PPFIA2: variants seen among roughly 807,000 people sequenced by gnomAD.
PPFIA2 encodes liprin-alpha-2.
In PPFIA2, 46 loss-of-function variants were observed where a neutral mutation model predicts 175.5. That is an observed-to-expected ratio of 0.26 (90% confidence interval 0.21 to 0.34). The LOEUF is 0.34. Among genes scored for constraint, PPFIA2 ranks in the 10% least tolerant of loss-of-function variants. The pLI is 1.00. For missense variants in PPFIA2, 1,179 were observed against 1,506.1 expected (o/e 0.78, Z 3.60); for synonymous variants, 568 against 511.4 (o/e 1.11, Z -1.49).
At chr12:81,620,114 C>A (rs1288329987) in intron 4 of PPFIA2, among the ~76,000 whole-genome samples, 6 of 137,834 alleles carry the variant, frequency 4.4e-5, no homozygotes, top group African/African-American at 8.0e-5. Context: ...GAGCCGAGAT[C>A]GCGCCACTGC....
chr12:81,685,977 A>G (rs1387754109), intron 3 of PPFIA2, among the ~76,000 whole-genome samples: 1 of 152,030 alleles, frequency 6.6e-6, no homozygotes, highest in Non-Finnish European at 1.5e-5. Context: ...TGGGTCTTTC[A>G]GAGTTTAAAT....
intron 3 of PPFIA2, among the ~76,000 whole-genome samples, chr12:81,700,467 T>C (rs2076362387): frequency 6.6e-6 from 1 of 152,040 alleles, no homozygotes; most frequent in Admixed American, 6.6e-5. Flanking sequence ...GAAAATTAAA[T>C]GATGAATTAT....
chr12:81,383,831 A>G (rs938199439), intron 9 of PPFIA2, among the ~76,000 whole-genome samples, 192 bp downstream of exon 9: 1 of 152,170 alleles, frequency 6.6e-6, no homozygotes, highest in African/African-American at 2.4e-5. Context: ...TCCATATATC[A>G]TGGGCATTTA....
At chr12:81,693,306 G>A (rs1308740687) in intron 3 of PPFIA2, among the ~76,000 whole-genome samples, 1 of 152,048 alleles carries the variant, frequency 6.6e-6, no homozygotes, top group Non-Finnish European at 1.5e-5. Flanking sequence ...GATCATGGGG[G>A]CAGATCCCTC....
chr12:81,752,404 G>A (rs1311245904), intron 3 of PPFIA2, among the ~76,000 whole-genome samples: 1 of 152,090 alleles, frequency 6.6e-6, no homozygotes, highest in Non-Finnish European at 1.5e-5. Flanking sequence ...CAATTGCAAA[G>A]ACTAAAATAT....
At chr12:81,327,307 T>C (rs1335611328) in intron 21 of PPFIA2, among the ~76,000 whole-genome samples, 1 of 152,028 alleles carries the variant, frequency 6.6e-6, no homozygotes, top group Non-Finnish European at 1.5e-5. Flanking sequence ...TACTTAAATC[T>C]TTTTTTATTA....
chr12:81,371,764 A>C (rs2035158202), intron 11 of PPFIA2, among the ~76,000 whole-genome samples: 2 of 151,836 alleles, frequency 1.3e-5, no homozygotes, highest in Admixed American at 1.3e-4. Flanking sequence ...ATAAATCATA[A>C]GACTGGGAGC....
chr12:81,409,896 G>A (rs2043605869), intron 7 of PPFIA2, among the ~76,000 whole-genome samples: 1 of 152,012 alleles, frequency 6.6e-6, no homozygotes, highest in Non-Finnish European at 1.5e-5. Flanking sequence ...AGATTAATGG[G>A]GACAACTGCT....
Position 81,542,199 on chromosome 12 carries a change from G to A in PPFIA2, c.304-84333C>T, listed in dbSNP as rs144766525. ...AAGACAGGGCAAGAGAGAGCTTTGGGACAGATGAGCAGGCAATGAGACCAT... is the reference window on the plus strand; with the variant it reads ...AAGACAGGGCAAGAGAGAGCTTTGGAACAGATGAGCAGGCAATGAGACCAT... On this transcript the variant is annotated intron_variant, in intron 4 of 32. Transcript: ENST00000549396. Among the ~76,000 whole-genome samples, 17 of 152,196 alleles carry A rather than the reference G, an allele frequency of 1.1e-4. No individual in the cohort carries two copies. In the South Asian group the frequency reaches 2.9e-3, roughly 26 times the overall value.
intron 28 of PPFIA2, among the ~76,000 whole-genome samples, chr12:81,271,692 CAA>C (rs1008801474): frequency 3.3e-5 from 5 of 152,194 alleles, no homozygotes; most frequent in African/African-American, 9.6e-5. Flanking sequence ...CTAGATAATG[CAA>C]AGACTTTCAA....
At chr12:81,392,978 T>C (rs975666057) in intron 8 of PPFIA2, among the ~76,000 whole-genome samples, 1 of 152,016 alleles carries the variant, frequency 6.6e-6, no homozygotes, top group Non-Finnish European at 1.5e-5. Flanking sequence ...TCCACCATTG[T>C]CACCCTTGTC....
At chr12:81,285,504 A>G (rs938960739) in intron 24 of PPFIA2, among the ~76,000 whole-genome samples, 7 of 152,108 alleles carry the variant, frequency 4.6e-5, no homozygotes, top group African/African-American at 1.7e-4. Context: ...TTATATATGT[A>G]TATACATACA....
chr12:81,567,697 T>C (rs1032704470), intron 4 of PPFIA2, among the ~76,000 whole-genome samples: 1 of 152,194 alleles, frequency 6.6e-6, no homozygotes, highest in Non-Finnish European at 1.5e-5. Flanking sequence ...GTGTGATACA[T>C]CCTGATAACA....
In PPFIA2 at chr12:81,266,970, A is replaced by G; in HGVS notation, c.3537T>C (p.Thr1179=). 6.2e-7 allele frequency: 1 copy of G among 1,612,900 alleles called. No homozygotes were observed. Residue 1179 remains threonine (T), a synonymous_variant, in exon 30 of 33, where the codon ACT becomes ACC. Coordinates refer to ENST00000549396, the MANE Select transcript of PPFIA2 (RefSeq NM_003625.5). ...REYNNLLALG[T]ERRLDESDDK... Reference sequence around the variant, plus strand: ...GACTTACTTCATCCAGTCGCCTTTCAGTTCCCAGGGCCAAGAGGTTATTGT... The same window carrying G: ...GACTTACTTCATCCAGTCGCCTTTCGGTTCCCAGGGCCAAGAGGTTATTGT...
chr12:81,744,942 A>G (rs1227580545), intron 3 of PPFIA2, among the ~76,000 whole-genome samples: 2 of 152,170 alleles, frequency 1.3e-5, no homozygotes, highest in Non-Finnish European at 2.9e-5. Context: ...ATTATCTGCA[A>G]AATGGGAATA....
intron 4 of PPFIA2, among the ~76,000 whole-genome samples, chr12:81,534,188 G>T (rs1411166650): frequency 6.6e-6 from 1 of 151,570 alleles, no homozygotes; most frequent in Non-Finnish European, 1.5e-5. Flanking sequence ...AAAAGAGGGA[G>T]ATAAAGAGAG....
intron 8 of PPFIA2, among the ~76,000 whole-genome samples, chr12:81,401,988 G>C (rs1366579519): frequency 6.6e-6 from 1 of 151,798 alleles, no homozygotes; most frequent in Non-Finnish European, 1.5e-5. Context: ...ATAATTACCA[G>C]AGTTTTCCAT....
chr12:81,540,123 T>G (rs1042480257), intron 4 of PPFIA2, among the ~76,000 whole-genome samples: 2 of 151,962 alleles, frequency 1.3e-5, no homozygotes, highest in African/African-American at 2.4e-5. Context: ...ATAGCCAATT[T>G]CAGGCAGATT....
intron 4 of PPFIA2, among the ~76,000 whole-genome samples, chr12:81,612,034 T>G (rs2060974725): frequency 6.6e-6 from 1 of 152,018 alleles, no homozygotes. Context: ...CAGCCTCAGT[T>G]TCAGAGTCAC....
Sources: gnomAD v4.1 joint callset for allele counts (sites outside exome capture counted in the v4.1 genomes callset) on GRCh38, gnomAD v4.1.1 for gene constraint, MANE v1.5 for transcripts, NCBI Gene and HGNC (gene_info 2026-07-23, HGNC 2026-07-21) for gene names.